PPIE: variants seen among roughly 807,000 people sequenced by gnomAD.
PPIE encodes the protein peptidylprolyl isomerase E, also known as peptidyl-prolyl cis-trans isomerase E.
PPIE carries 20 observed loss-of-function variants against 38.4 expected under a neutral mutation model. The ratio of observed to expected loss-of-function variants is 0.52; its 90% CI spans 0.37 to 0.76. The LOEUF (loss-of-function observed/expected upper bound fraction) is 0.76. PPIE is among the 30% of genes least tolerant of loss of function. The probability of loss-of-function intolerance (pLI) is 0.00; values close to 1 mark genes in which losing one functional copy is unlikely to be tolerated. For missense variants in PPIE, 322 were observed against 385.8 expected (o/e 0.83, Z 1.39); for synonymous variants, 142 against 135.7 (o/e 1.05, Z -0.32).
intron 1 of PPIE, 169 bp downstream of exon 1, chr1:39,739,100 G>T: frequency 1.6e-6 from 1 of 629,332 alleles, no homozygotes. Flanking sequence ...TCCTTCCAAG[G>T]TTTCCCACTG....
At position 39,763,799 on chromosome 1, in the gene PPIE, G is replaced by C. The variant is rs745780354; in HGVS notation, c.*57G>C. 5 of 1,599,096 alleles carry C rather than the reference G, an allele frequency of 3.1e-6. No individual in the cohort carries two copies. The East Asian group carries it at 6.7e-5, about 22-fold the overall frequency. ...GGGAGCCGTGGACGTCATCTGCAGG[G>C]ACAGAAGGGGCAAGGTCTTTTCTGG... is the stretch of plus-strand genomic sequence containing the variant. On this transcript the variant is annotated 3_prime_UTR_variant, in exon 10 of 10. Transcript: ENST00000356511.
chr1:39,755,736 C>T lies in PPIE; in HGVS notation c.*2381C>T. The T allele has an allele frequency of 1.0e-6, 1 of 985,382 alleles. No individual in the cohort carries two copies. The highest frequency in any genetic ancestry group is 1.2e-6 in the Non-Finnish European group (1 of 829,910). 61.0% of individuals were successfully genotyped at this position (985,382 alleles called of 1,614,324 possible). A position where few individuals can be genotyped will look rare whatever the true frequency, so the allele number is the denominator to read the frequency against. ...AGGCCAGTGGGCAGTTCTGAAAGCT[C>T]AGCAGGTTTGGAGCCATTGGGTGTG... On this transcript the variant is annotated 3_prime_UTR_variant, in exon 10 of 10. Transcript: ENST00000324379.
At chr1:39,760,290 G>T, downstream of PPIE, 1 of 1,407,488 alleles carries the variant, frequency 7.1e-7, no homozygotes, top group Non-Finnish European at 9.6e-7. Flanking sequence ...AAAGGGTCAT[G>T]TACGTGGTTG....
downstream of PPIE, among the ~76,000 whole-genome samples, chr1:39,760,879 G>A (rs1648870234): frequency 6.6e-6 from 1 of 152,108 alleles, no homozygotes; most frequent in Non-Finnish European, 1.5e-5. Flanking sequence ...TAATGGGAAG[G>A]AGAACTGTGT....
chr1:39,748,794 G>A (rs1647385133), intron 7 of PPIE, 109 bp from the exon 8 acceptor site: 1 of 951,370 alleles, frequency 1.1e-6, no homozygotes, highest in Non-Finnish European at 1.6e-6. Context: ...TTTATAATGA[G>A]TATCTCTTAT....
intron 7 of PPIE, chr1:39,747,383 T>G (rs1216948920): frequency 1.3e-5 from 2 of 152,164 alleles, no homozygotes; most frequent in Non-Finnish European, 2.9e-5. Flanking sequence ...GCCAAACTAT[T>G]TTCCACAGTG....
At chr1:39,761,053 C>T (rs569366425), downstream of PPIE, 296 of 161,320 alleles carry the variant, frequency 1.8e-3, 1 homozygote, top group Non-Finnish European at 3.1e-3. Context: ...CTGCTCCTTC[C>T]CCCAGAGGAC....
chr1:39,750,038 C>T (rs780614092), intron 8 of PPIE, among the ~76,000 whole-genome samples: 5 of 151,992 alleles, frequency 3.3e-5, no homozygotes, highest in African/African-American at 7.3e-5. Context: ...AAGGCTGAGG[C>T]AGGAGAATCA....
chr1:39,742,830 ATGT>A (rs1208096773), intron 4 of PPIE: 1 of 156,178 alleles, frequency 6.4e-6, no homozygotes, highest in African/African-American at 2.4e-5. Flanking sequence ...GGATAATGAG[ATGT>A]TGTTTTATTT....
At chr1:39,763,849 TG>T (rs1326824812) in exon 10 of PPIE, 2 of 1,563,126 alleles carry the variant, frequency 1.3e-6, no homozygotes, top group African/African-American at 2.8e-5. Context: ...GCAGCTACTA[TG>T]GGGTACCAGG....
intron 7 of PPIE, 24 bp downstream of exon 7, chr1:39,745,522 A>G (rs1221967850): frequency 6.2e-7 from 1 of 1,613,940 alleles, no homozygotes; most frequent in Non-Finnish European, 8.5e-7. Context: ...TGTGGTCAGA[A>G]CGGCGGGACG....
Position 39,756,495 on chromosome 1 carries a change from A to G in PPIE, c.*3140A>G. On this transcript the variant is annotated 3_prime_UTR_variant, in exon 10 of 10. Coordinates refer to ENST00000324379, the MANE Select transcript of PPIE (RefSeq NM_006112.4). Reference sequence around the variant, plus strand: ...CTGTTGGAGTGTCCTCTCCAACAGCATGACAGCCGCCTCCAGGTGCTCCCA... The same window carrying G: ...CTGTTGGAGTGTCCTCTCCAACAGCGTGACAGCCGCCTCCAGGTGCTCCCA... 1 of 985,464 alleles carries G rather than the reference A, an allele frequency of 1.0e-6. No individual in the cohort carries two copies. The highest frequency in any genetic ancestry group is 1.2e-6 in the Non-Finnish European group (1 of 829,940). 61.0% of individuals were successfully genotyped at this position (985,464 alleles called of 1,614,324 possible).
Position 39,753,483 on chromosome 1 carries a change from C to A in PPIE, c.*128C>A, listed in dbSNP as rs969491871. The stretch of plus-strand genomic sequence containing the variant: ...AGCAGCATTTGGGATATGTGCCCTT[C>A]CTCAGGGTCTGCTTGGAGCAGCTCC... On this transcript the variant is annotated 3_prime_UTR_variant, in exon 10 of 10. Coordinates refer to ENST00000324379, the MANE Select transcript of PPIE (RefSeq NM_006112.4). 2.7e-6 allele frequency: 4 copies of A among 1,483,562 alleles called. No homozygotes were observed. The Admixed American group carries it at 9.3e-5, about 35-fold the overall frequency. The allele number at this position is 1,483,562 out of a possible 1,614,324, so 91.9% of individuals were successfully genotyped here.
intron 5 of PPIE, 49 bp downstream of exon 5, chr1:39,743,346 C>T (rs1647108851): frequency 1.3e-6 from 2 of 1,547,400 alleles, no homozygotes; most frequent in Admixed American, 1.7e-5. Context: ...GCAGTTTGGC[C>T]TTAGTTGCAT....
chr1:39,758,812 C>T (rs1002950320), downstream of PPIE: 1 of 152,270 alleles, frequency 6.6e-6, no homozygotes, highest in Non-Finnish European at 1.5e-5. Context: ...ATGGGAGGGT[C>T]TCTTCCTCTG....
intron 6 of PPIE, among the ~76,000 whole-genome samples, chr1:39,744,759 G>T (rs894528641): frequency 2.0e-5 from 3 of 152,186 alleles, no homozygotes; most frequent in African/African-American, 7.2e-5. Context: ...AAATTTGAAT[G>T]CAAATCAGAA....
chr1:39,756,079 G>A lies in PPIE; in HGVS notation c.*2724G>A, dbSNP rs1477659294. 9.1e-6 allele frequency: 9 copies of A among 985,318 alleles called. No homozygotes were observed. The highest frequency in any genetic ancestry group is 1.1e-5 in the Non-Finnish European group (9 of 829,936). 61.0% of individuals were successfully genotyped at this position (985,318 alleles called of 1,614,324 possible). On this transcript the variant is annotated 3_prime_UTR_variant, in exon 10 of 10. Transcript: ENST00000324379. ...AGACCCTGCTCTTCCAGGCCAGAAG[G>A]GAGGGGAGCCCCAGAGCTGGGCAGT...
At chr1:39,758,057 T>G (rs1648481716), downstream of PPIE, 1 of 152,204 alleles carries the variant, frequency 6.6e-6, no homozygotes, top group Non-Finnish European at 1.5e-5. Flanking sequence ...TTTACAGACA[T>G]TCTTGGTGCA....
Position 39,743,876 on chromosome 1 carries a change from G to T in PPIE, c.336G>T (p.Glu112Asp). 6.2e-7 allele frequency: 1 copy of T among 1,613,938 alleles called. No individual in the cohort carries two copies. Among genetic ancestry groups the T allele is most frequent in the African/African-American group, 1.3e-5 (1 of 75,040 alleles). ...AGTTTTCTGGGAAGACGCTTGAAGA[G>T]AATAAAGAGGAAGAAGGGTCAGAGC... ...LKKFSGKTLE[E>D]NKEEEGSEPP... Residue 112 changes from glutamate (E) to aspartate (D), a missense_variant, in exon 6 of 10, where the codon GAG (glutamate) becomes GAT (aspartate). Transcript: ENST00000324379.
Sources: gnomAD v4.1 joint callset for allele counts (sites outside exome capture counted in the v4.1 genomes callset) on GRCh38, gnomAD v4.1.1 for gene constraint, MANE v1.5 for transcripts, NCBI Gene and HGNC (gene_info 2026-07-23, HGNC 2026-07-21) for gene names.